Variants in DACH2 observed in about 807,000 individuals in gnomAD.
The protein encoded by DACH2 is dachshund family transcription factor 2.
In DACH2, 17 loss-of-function variants were observed where a neutral mutation model predicts 35.8. That is an observed-to-expected ratio of 0.48 (90% CI 0.33 to 0.71). The LOEUF (loss-of-function observed/expected upper bound fraction) is 0.71. Ranked by LOEUF, DACH2 falls within the 30% of genes least tolerant of loss-of-function variation. The pLI, the probability that DACH2 is intolerant of heterozygous loss-of-function variation, is 0.02. For synonymous variants in DACH2, 195 were observed against 177.3 expected, an observed-to-expected ratio of 1.10 and a Z score of -0.79; for missense variants, 469 against 472.7, an observed-to-expected ratio of 0.99 and a Z score of 0.07.
At chrX:86,210,231 G>T (rs892961057) in intron 1 of DACH2, among the ~76,000 whole-genome samples, 1 of 110,948 alleles carries the variant, frequency 9.0e-6, no homozygotes, top group African/African-American at 3.3e-5. Flanking sequence ...TCACAGTATT[G>T]GTTCATTTGT....
At chrX:86,221,805 T>A (rs187308845) in intron 1 of DACH2, among the ~76,000 whole-genome samples, 49 of 112,259 alleles carry the variant, frequency 4.4e-4, no homozygotes, top group African/African-American at 9.4e-4. Flanking sequence ...CAAATAGAAT[T>A]TAATTTTCTC....
chrX:86,361,667 C>T (rs779438317), intron 1 of DACH2, among the ~76,000 whole-genome samples: 138 of 111,651 alleles, frequency 1.2e-3, no homozygotes, highest in African/African-American at 4.3e-3. Context: ...CATATTTGTA[C>T]TATTACATAA....
At chrX:86,225,635 A>C (rs1421094014) in intron 1 of DACH2, among the ~76,000 whole-genome samples, 1 of 111,107 alleles carries the variant, frequency 9.0e-6, no homozygotes, top group East Asian at 2.8e-4. Flanking sequence ...AACATATGAA[A>C]GGGAGAGGGA....
At chrX:86,394,703 C>A (rs1433360963) in intron 2 of DACH2, among the ~76,000 whole-genome samples, 1 of 111,488 alleles carries the variant, frequency 9.0e-6, no homozygotes, top group Non-Finnish European at 1.9e-5. Context: ...ATGAAATAAG[C>A]AATATCATGC....
At chrX:86,775,161 T>G (rs2042020037) in intron 7 of DACH2, among the ~76,000 whole-genome samples, 2 of 111,773 alleles carry the variant, frequency 1.8e-5, no homozygotes, top group Non-Finnish European at 3.8e-5. Context: ...CGCAATGGAC[T>G]GTGTAGTCTC....
At chrX:86,614,973 T>G (rs1358895810) in intron 3 of DACH2, among the ~76,000 whole-genome samples, 1 of 112,067 alleles carries the variant, frequency 8.9e-6, no homozygotes, top group East Asian at 2.8e-4. Flanking sequence ...TCTGTATCTT[T>G]TTTTCTATAC....
chrX:86,439,716 T>G (rs2037128913), intron 2 of DACH2, among the ~76,000 whole-genome samples: 1 of 111,707 alleles, frequency 9.0e-6, no homozygotes, highest in Non-Finnish European at 1.9e-5. Flanking sequence ...GAAGATTAGA[T>G]TATTAATTTT....
At chrX:86,640,076 G>A (rs1430946917) in intron 3 of DACH2, among the ~76,000 whole-genome samples, 1 of 111,021 alleles carries the variant, frequency 9.0e-6, no homozygotes, top group African/African-American at 3.3e-5. Flanking sequence ...AGAGACTGGA[G>A]CGGGCCCCAA....
At chrX:86,805,549 G>GA (rs1388304773) in intron 7 of DACH2, among the ~76,000 whole-genome samples, 1 of 108,684 alleles carries the variant, frequency 9.2e-6, no homozygotes, top group Non-Finnish European at 1.9e-5. Flanking sequence ...TTCCTCACCA[G>GA]AAAATGGGCT....
At chrX:86,362,687 T>C (rs1352223047) in intron 1 of DACH2, among the ~76,000 whole-genome samples, 1 of 111,191 alleles carries the variant, frequency 9.0e-6, no homozygotes, top group African/African-American at 3.3e-5. Flanking sequence ...CTTAGACATT[T>C]AATCTCTCCC....
Position 86,148,529 on chromosome X carries a change from G to A in DACH2, c.-92G>A. On this transcript the variant is annotated 5_prime_UTR_variant, in exon 1 of 12. Transcript: ENST00000373125. Reference sequence around the variant, plus strand: ...GGAGCCAGCGAGAGCGCGCCAGAGAGAGCGAGAGTGAGGGAGTGAGTGCGA... The same window carrying A: ...GGAGCCAGCGAGAGCGCGCCAGAGAAAGCGAGAGTGAGGGAGTGAGTGCGA... 1.0e-6 allele frequency: 1 copy of A among 999,218 alleles called. No individual in the cohort carries two copies. Among genetic ancestry groups the A allele is most frequent in the Non-Finnish European group, 1.3e-6 (1 of 750,725 alleles). The allele number at this position is 999,218 out of a possible 1,213,427, so 82.3% of individuals were successfully genotyped here.
chrX:86,680,646 T>C (rs1451030244), intron 4 of DACH2, among the ~76,000 whole-genome samples: 2 of 104,361 alleles, frequency 1.9e-5, no homozygotes, highest in African/African-American at 7.1e-5. Flanking sequence ...TCATAATGAC[T>C]CATTTCTTTT....
At chrX:86,382,045 T>C (rs934327847) in intron 2 of DACH2, among the ~76,000 whole-genome samples, 7 of 111,195 alleles carry the variant, frequency 6.3e-5, no homozygotes, top group Non-Finnish European at 5.7e-5. Context: ...GCTCATTTAA[T>C]GTTTGATTCC....
chrX:86,265,350 A>T (rs1415044594), intron 1 of DACH2, among the ~76,000 whole-genome samples: 1 of 111,814 alleles, frequency 8.9e-6, no homozygotes, highest in Non-Finnish European at 1.9e-5. Flanking sequence ...TTTGTATTCT[A>T]AAAGGCTTGT....
At chrX:86,434,447 A>G in intron 2 of DACH2, among the ~76,000 whole-genome samples, 1 of 112,302 alleles carries the variant, frequency 8.9e-6, no homozygotes, top group East Asian at 2.8e-4. Context: ...CTATCTCAGA[A>G]TAAAATATTT....
chrX:86,401,221 G>A (rs891733933), intron 2 of DACH2, among the ~76,000 whole-genome samples: 25 of 112,447 alleles, frequency 2.2e-4, no homozygotes, highest in East Asian at 2.8e-4. Flanking sequence ...TGTTAAGCCC[G>A]TTGGAAAAGC....
chrX:86,573,828 C>A (rs1323470772), intron 3 of DACH2, among the ~76,000 whole-genome samples: 1 of 111,372 alleles, frequency 9.0e-6, no homozygotes, highest in Non-Finnish European at 1.9e-5. Context: ...CCATGTTACC[C>A]CTACTCAGGC....
intron 2 of DACH2, among the ~76,000 whole-genome samples, chrX:86,466,191 C>A (rs1212048723): frequency 9.0e-6 from 1 of 111,354 alleles, no homozygotes; most frequent in Non-Finnish European, 1.9e-5. Flanking sequence ...AAGTGGAAAC[C>A]CCTGATAAAA....
At chrX:86,770,071 TAGACTGTCCTC>T (rs1454096202) in intron 7 of DACH2, among the ~76,000 whole-genome samples, 1 of 110,814 alleles carries the variant, frequency 9.0e-6, no homozygotes, top group African/African-American at 3.3e-5. Flanking sequence ...AATGGCCCTT[TAGACTGTCCTC>T]ATTTTATATG....
Sources: gnomAD v4.1 joint callset for allele counts (sites outside exome capture counted in the v4.1 genomes callset) on GRCh38, gnomAD v4.1.1 for gene constraint, MANE v1.5 for transcripts, NCBI Gene and HGNC (gene_info 2026-07-23, HGNC 2026-07-21) for gene names.